The following TENM2 variants were observed in gnomAD, a reference collection of about 807,000 sequenced individuals.
The protein encoded by TENM2 is teneurin transmembrane protein 2, also known as teneurin-2.
TENM2 carries 52 observed loss-of-function variants against 245.2 expected under a neutral mutation model. That is an observed-to-expected ratio of 0.21 (90% CI 0.17 to 0.27). TENM2 has a LOEUF of 0.27. Among genes scored for constraint, TENM2 ranks in the 10% least tolerant of loss-of-function variants. The pLI, the probability that TENM2 is intolerant of heterozygous loss-of-function variation, is 1.00. For synonymous variants in TENM2, 1,363 were observed against 1,438.9 expected, an observed-to-expected ratio of 0.95 and a Z score of 1.19; for missense variants, 3,046 against 3,666.8, an observed-to-expected ratio of 0.83 and a Z score of 4.37.
In TENM2 at chr5:167,775,659, G is replaced by C. The variant is rs1294031978; in HGVS notation, c.503-100327G>C. Among the ~76,000 whole-genome samples the C allele has an allele frequency of 2.6e-5, 4 of 151,986 alleles. No homozygotes were observed. In the East Asian group the frequency reaches 7.7e-4, roughly 29 times the overall value. ...AAACATTTTCTGAGTACCTACTCTG[G>C]GCACATTCTGTGTTCAGTGTTCTCG... On this transcript the variant is annotated intron_variant, in intron 2 of 28. Transcript: ENST00000518659.
chr5:167,331,678 T>A (rs1757469299), intron 1 of TENM2, among the ~76,000 whole-genome samples: 1 of 152,196 alleles, frequency 6.6e-6, no homozygotes, highest in Admixed American at 6.5e-5. Context: ...CAAATGCAAC[T>A]CTTCAAGAGA....
chr5:167,810,816 T>C (rs969030285), intron 2 of TENM2, among the ~76,000 whole-genome samples: 1 of 152,114 alleles, frequency 6.6e-6, no homozygotes, highest in Non-Finnish European at 1.5e-5. Flanking sequence ...GCTTCACTCT[T>C]TGCTTTCACC....
At chr5:167,783,844 C>A (rs1764376634) in intron 2 of TENM2, among the ~76,000 whole-genome samples, 1 of 152,030 alleles carries the variant, frequency 6.6e-6, no homozygotes, top group Non-Finnish European at 1.5e-5. Flanking sequence ...CCCAGGGGAG[C>A]ACCCCAAGGT....
At chr5:167,344,327 T>TAG (rs367690616) in intron 1 of TENM2, among the ~76,000 whole-genome samples, 21,630 of 102,156 alleles carry the variant, frequency 0.21, 1,957 homozygotes, top group Middle Eastern at 0.36. Flanking sequence ...TATATATATA[T>TAG]ATAGATATAT....
intron 3 of TENM2, among the ~76,000 whole-genome samples, chr5:167,921,695 G>C (rs1777384702): frequency 1.3e-5 from 2 of 152,128 alleles, no homozygotes; most frequent in African/African-American, 2.4e-5. Context: ...ATGTATCTCA[G>C]GGAGGGTGCT....
At chr5:167,767,528 C>T (rs1763115104) in intron 2 of TENM2, among the ~76,000 whole-genome samples, 1 of 152,072 alleles carries the variant, frequency 6.6e-6, no homozygotes, top group African/African-American at 2.4e-5. Flanking sequence ...GAATTGTACA[C>T]CTAAATATGA....
At chr5:167,619,110 G>A (rs1777985970) in intron 2 of TENM2, among the ~76,000 whole-genome samples, 1 of 152,104 alleles carries the variant, frequency 6.6e-6, no homozygotes, top group East Asian at 1.9e-4. Flanking sequence ...TTTTTCTGGA[G>A]ACTACAGAAA....
At chr5:167,526,096 A>G (rs1432418522) in intron 2 of TENM2, among the ~76,000 whole-genome samples, 1 of 151,978 alleles carries the variant, frequency 6.6e-6, no homozygotes, top group Non-Finnish European at 1.5e-5. Context: ...CAAAGGAAGA[A>G]ATATATTCAT....
intron 2 of TENM2, among the ~76,000 whole-genome samples, chr5:167,631,393 CA>C (rs1189939023): frequency 6.6e-6 from 1 of 152,060 alleles, no homozygotes; most frequent in Non-Finnish European, 1.5e-5. Context: ...GTGTTCTCGG[CA>C]GAGAAAATAG....
At chr5:167,493,291 A>C (rs1243953768) in intron 2 of TENM2, among the ~76,000 whole-genome samples, 3 of 152,078 alleles carry the variant, frequency 2.0e-5, no homozygotes, top group Non-Finnish European at 4.4e-5. Flanking sequence ...AAAGAAAAGA[A>C]AAAAAAGAAC....
At chr5:167,671,193 T>C (rs1582708114) in intron 2 of TENM2, among the ~76,000 whole-genome samples, 1 of 152,168 alleles carries the variant, frequency 6.6e-6, no homozygotes, top group East Asian at 1.9e-4. Context: ...AGCAGTGCTT[T>C]ATGAGGATAA....
At chr5:168,034,022 G>A (rs557832029) in intron 5 of TENM2, among the ~76,000 whole-genome samples, 15 of 134,374 alleles carry the variant, frequency 1.1e-4, no homozygotes, top group South Asian at 9.0e-4. Context: ...GCGAGACTCC[G>A]TCTCAAATAT....
chr5:167,153,553 G>C, the TENM2 span, among the ~76,000 whole-genome samples: 1 of 151,956 alleles, frequency 6.6e-6, no homozygotes, highest in Non-Finnish European at 1.5e-5. Context: ...CACATTCAGT[G>C]TCATTTTCAT....
At chr5:167,138,284 T>TTAAAGTGTAATAAGTGTAA in the TENM2 span, among the ~76,000 whole-genome samples, 3 of 152,184 alleles carry the variant, frequency 2.0e-5, no homozygotes, top group Non-Finnish European at 4.4e-5. Context: ...GATATAGCAG[T>TTAAAGTGTAATAAGTGTAA]TAAAGTGTAA....
intron 3 of TENM2, among the ~76,000 whole-genome samples, chr5:167,900,672 AC>A (rs1236977473): frequency 6.6e-6 from 1 of 152,160 alleles, no homozygotes. Context: ...TTGTTTTCAA[AC>A]GGCTAATTTT....
At chr5:167,541,050 A>G (rs990291517) in intron 2 of TENM2, among the ~76,000 whole-genome samples, 1 of 152,184 alleles carries the variant, frequency 6.6e-6, no homozygotes, top group African/African-American at 2.4e-5. Flanking sequence ...TGTTTCATGA[A>G]TAAGATGGAA....
intron 12 of TENM2, among the ~76,000 whole-genome samples, chr5:168,147,085 G>A (rs569984576): frequency 3.1e-4 from 47 of 152,356 alleles, no homozygotes; most frequent in Admixed American, 2.0e-3. Flanking sequence ...CCGCATAGGC[G>A]TAGTTGGCCA....
intron 4 of TENM2, among the ~76,000 whole-genome samples, chr5:167,966,665 T>A (rs937735794): frequency 6.6e-6 from 1 of 152,204 alleles, no homozygotes; most frequent in African/African-American, 2.4e-5. Context: ...GTGCAAAGAC[T>A]ATTCCAAACT....
At chr5:167,321,204 TA>T (rs369314036) in intron 1 of TENM2, among the ~76,000 whole-genome samples, 4,088 of 149,736 alleles carry the variant, frequency 0.027, 171 homozygotes, top group African/African-American at 0.094. Context: ...TTCACAAAAT[TA>T]AAAAAAAAAA....
Sources: gnomAD v4.1 joint callset for allele counts (sites outside exome capture counted in the v4.1 genomes callset) on GRCh38, gnomAD v4.1.1 for gene constraint, MANE v1.5 for transcripts, NCBI Gene and HGNC (gene_info 2026-07-23, HGNC 2026-07-21) for gene names.